POLQ: variants seen among roughly 807,000 people sequenced by gnomAD.
POLQ encodes epididymis secretory sperm binding protein.
In POLQ, 233 loss-of-function variants were observed where a neutral mutation model predicts 259.2. The observed-to-expected ratio is 0.90, with a 90% CI of 0.81 to 1.00. POLQ has a LOEUF of 1.00. Ranked by LOEUF, POLQ falls within the 50% of genes least tolerant of loss-of-function variation. The pLI, the probability that POLQ is intolerant of heterozygous loss-of-function variation, is 0.00. For synonymous variants in POLQ, 1,025 were observed against 1,048.8 expected (o/e 0.98, Z 0.44); for missense variants, 2,871 against 3,051.6 (o/e 0.94, Z 1.39).
chr3:121,449,751 C>G (rs570337483), intron 25 of POLQ, among the ~76,000 whole-genome samples: 2 of 152,214 alleles, frequency 1.3e-5, no homozygotes, highest in Non-Finnish European at 2.9e-5. Flanking sequence ...CACAGAACTT[C>G]ATTAACTTCC....
At chr3:121,510,331 A>T (rs541747703) in intron 10 of POLQ, 88 bp from the exon 11 acceptor site, 1 of 854,356 alleles carries the variant, frequency 1.2e-6, no homozygotes, top group East Asian at 2.5e-5. Context: ...TAATCCCAGC[A>T]CTTTGGGAGT....
chr3:121,514,339 A>C (rs79002684), intron 9 of POLQ, among the ~76,000 whole-genome samples: 2,075 of 149,846 alleles, frequency 0.014, 48 homozygotes, highest in African/African-American at 0.045. Flanking sequence ...TTAAAAAAAA[A>C]AACAACAACA....
At chr3:121,471,143 T>A (rs1467400190) in intron 22 of POLQ, among the ~76,000 whole-genome samples, 1 of 152,152 alleles carries the variant, frequency 6.6e-6, no homozygotes, top group African/African-American at 2.4e-5. Flanking sequence ...ATATTTAGAG[T>A]TTTGTACTGC....
chr3:121,545,306 C>T (rs753004420), intron 1 of POLQ, among the ~76,000 whole-genome samples: 1 of 152,154 alleles, frequency 6.6e-6, no homozygotes, highest in Non-Finnish European at 1.5e-5. Context: ...ATCCACGGGA[C>T]ACCCAACCAA....
chr3:121,543,017 A>G (rs1240832042), intron 2 of POLQ, among the ~76,000 whole-genome samples: 1 of 152,158 alleles, frequency 6.6e-6, no homozygotes, highest in African/African-American at 2.4e-5. Context: ...CTGCAGGAGC[A>G]GGGCAAGATC....
intron 10 of POLQ, among the ~76,000 whole-genome samples, chr3:121,510,721 T>A (rs368662382): frequency 6.6e-6 from 1 of 152,234 alleles, no homozygotes. Context: ...CACCACTCAC[T>A]GTAACTGTTG....
At chr3:121,467,733 A>G (rs752355284) in intron 23 of POLQ, 93 bp from the exon 24 acceptor site, 36 of 1,325,118 alleles carry the variant, frequency 2.7e-5, no homozygotes, top group Non-Finnish European at 3.7e-5. Context: ...TTTCCGTCTA[A>G]GAAACTTAAT....
At chr3:121,462,312 A>G (rs1192313551) in intron 24 of POLQ, among the ~76,000 whole-genome samples, 1 of 152,194 alleles carries the variant, frequency 6.6e-6, no homozygotes, top group Non-Finnish European at 1.5e-5. Flanking sequence ...ATGCAGAACT[A>G]TAATCACTGA....
At chr3:121,459,525 G>A (rs1364434248) in intron 25 of POLQ, among the ~76,000 whole-genome samples, 2 of 151,880 alleles carry the variant, frequency 1.3e-5, no homozygotes, top group Non-Finnish European at 2.9e-5. Flanking sequence ...GGGACTACAG[G>A]CACCCACCAC....
chr3:121,497,959 T>C (rs1414791865), intron 13 of POLQ, among the ~76,000 whole-genome samples: 5 of 152,156 alleles, frequency 3.3e-5, no homozygotes, highest in Non-Finnish European at 7.3e-5. Context: ...TCTTTATATA[T>C]AATGGCTGCT....
chr3:121,518,018 C>A (rs952673752), intron 9 of POLQ, among the ~76,000 whole-genome samples: 7 of 152,158 alleles, frequency 4.6e-5, no homozygotes, highest in African/African-American at 1.7e-4. Context: ...TTCTATAAAG[C>A]TGCCACGAAC....
intron 2 of POLQ, among the ~76,000 whole-genome samples, chr3:121,543,408 A>T (rs1046403206): frequency 6.6e-6 from 1 of 152,210 alleles, no homozygotes; most frequent in African/African-American, 2.4e-5. Flanking sequence ...AGGCACACAT[A>T]CTCACAAACA....
intron 5 of POLQ, among the ~76,000 whole-genome samples, chr3:121,535,715 CAAAAAAA>C (rs34317903): frequency 0.012 from 1,298 of 107,394 alleles, 27 homozygotes; most frequent in African/African-American, 0.045. Flanking sequence ...AACTCCATCT[CAAAAAAA>C]AAAAAAAAAA....
In POLQ at chr3:121,544,926, A is replaced by C; in HGVS notation, c.164-20T>G. On this transcript the variant is annotated intron_variant, in intron 1 of 29. Transcript: ENST00000264233. ...ATTCTCCTTTTAGGAAAAAGAAAAA[A>C]TTAAAATTTAATTTACTTCTAATAT... The C allele has an allele frequency of 1.3e-6, 2 of 1,500,342 alleles. No homozygotes were observed. Among genetic ancestry groups the C allele is most frequent in the Non-Finnish European group, 1.8e-6 (2 of 1,096,706 alleles). 92.9% of individuals were successfully genotyped at this position (1,500,342 alleles called of 1,614,324 possible). A position where few individuals can be genotyped will look rare whatever the true frequency, so the allele number is the denominator to read the frequency against.
intron 5 of POLQ, among the ~76,000 whole-genome samples, chr3:121,534,168 G>A (rs144487834): frequency 0.014 from 2,125 of 152,208 alleles, 51 homozygotes; most frequent in African/African-American, 0.049. Context: ...GAGCCACCAC[G>A]CCCAGCCGAT....
chr3:121,514,812 C>T (rs2048283599), intron 9 of POLQ, among the ~76,000 whole-genome samples: 1 of 152,144 alleles, frequency 6.6e-6, no homozygotes, highest in African/African-American at 2.4e-5. Context: ...CAGGACAAAG[C>T]CAAACTGATC....
At chr3:121,484,831 G>A (rs2047998389) in intron 17 of POLQ, among the ~76,000 whole-genome samples, 1 of 152,130 alleles carries the variant, frequency 6.6e-6, no homozygotes, top group Non-Finnish European at 1.5e-5. Flanking sequence ...AACCCAGGAG[G>A]TGAAGGTTGT....
Position 121,541,334 on chromosome 3 carries a change from A to G in POLQ, c.474+15T>C, listed in dbSNP as rs199734736. 1.3e-6 allele frequency: 2 copies of G among 1,567,348 alleles called. No individual in the cohort carries two copies. The highest frequency in any genetic ancestry group is 1.7e-6 in the Non-Finnish European group (2 of 1,157,142). ...ATGAGCCTTTCACTATTTCAAACTT[A>G]GTAAAAAACATTACCTGGAGGTAGT... On this transcript the variant is annotated intron_variant, in intron 3 of 29. Transcript: ENST00000264233.
At chr3:121,467,058 C>T (rs2047843212) in intron 24 of POLQ, among the ~76,000 whole-genome samples, 1 of 151,910 alleles carries the variant, frequency 6.6e-6, no homozygotes, top group Non-Finnish European at 1.5e-5. Flanking sequence ...GCCTTAGGGG[C>T]CACCCCATGC....
Sources: gnomAD v4.1 joint callset for allele counts (sites outside exome capture counted in the v4.1 genomes callset) on GRCh38, gnomAD v4.1.1 for gene constraint, MANE v1.5 for transcripts, NCBI Gene and HGNC (gene_info 2026-07-23, HGNC 2026-07-21) for gene names.